The following RAP1A variants were observed in gnomAD, a reference collection of about 807,000 sequenced individuals.
RAP1A encodes ras-related protein Rap-1A.
In RAP1A, 6 loss-of-function variants were observed where a neutral mutation model predicts 26.4. The observed-to-expected ratio is 0.23, with a 90% confidence interval of 0.12 to 0.45. The LOEUF (loss-of-function observed/expected upper bound fraction) is 0.45, where lower values mean the gene tolerates loss of function less well. Among genes scored for constraint, RAP1A ranks in the 20% least tolerant of loss-of-function variants. The probability of loss-of-function intolerance (pLI) is 0.99; values close to 1 mark genes in which losing one functional copy is unlikely to be tolerated. For synonymous variants in RAP1A, 73 were observed against 79.4 expected, an observed-to-expected ratio of 0.92 and a Z score of 0.43; for missense variants, 121 against 217.2, an observed-to-expected ratio of 0.56 and a Z score of 2.78.
intron 1 of RAP1A, among the ~76,000 whole-genome samples, chr1:111,584,145 G>A (rs1258322262): frequency 4.7e-4 from 72 of 152,020 alleles, no homozygotes; most frequent in Admixed American, 1.3e-4. Context: ...GCCTCTCAAA[G>A]TGTTGGGATT....
At position 111,683,426 on chromosome 1, in the gene RAP1A, A is replaced by G. The variant is rs373162844; in HGVS notation, c.-27-7908A>G. Reference sequence around the variant, plus strand: ...AACAAAATAGACCACTAGCCAGACTAATAAAGAAGGAAAGAGAAGAATCAA... The same window carrying G: ...AACAAAATAGACCACTAGCCAGACTGATAAAGAAGGAAAGAGAAGAATCAA... On this transcript the variant is annotated intron_variant, in intron 1 of 7. Coordinates refer to ENST00000369709, the MANE Select transcript of RAP1A (RefSeq NM_002884.4). 4.6e-5 allele frequency among the ~76,000 whole-genome samples: 7 copies of G among 152,310 alleles called. No individual in the cohort carries two copies. In the East Asian group the frequency reaches 1.4e-3, roughly 29 times the overall value.
intron 6 of RAP1A, among the ~76,000 whole-genome samples, chr1:111,707,394 T>G (rs971107422): frequency 1.1e-4 from 16 of 152,170 alleles, no homozygotes; most frequent in Non-Finnish European, 2.9e-5. Context: ...GTAAGAACAA[T>G]AAAGAAGAAT....
intron 1 of RAP1A, among the ~76,000 whole-genome samples, chr1:111,678,466 A>T (rs1272342092): frequency 6.6e-6 from 1 of 152,170 alleles, no homozygotes; most frequent in East Asian, 1.9e-4. Flanking sequence ...ATGCCTTGTT[A>T]GTCAATTTAA....
intron 1 of RAP1A, among the ~76,000 whole-genome samples, chr1:111,582,774 C>T (rs1264711080): frequency 6.6e-6 from 1 of 152,176 alleles, no homozygotes; most frequent in Non-Finnish European, 1.5e-5. Flanking sequence ...TAAGGCATTT[C>T]CTGTTTAGAG....
chr1:111,704,278 T>G, intron 5 of RAP1A, 65 bp from the exon 6 acceptor site: 1 of 1,524,680 alleles, frequency 6.6e-7, no homozygotes, highest in Non-Finnish European at 8.9e-7. Context: ...ATTGCTTATT[T>G]ATTTTTTTAA....
At chr1:111,647,877 A>G (rs996762498) in intron 1 of RAP1A, among the ~76,000 whole-genome samples, 4 of 152,136 alleles carry the variant, frequency 2.6e-5, no homozygotes, top group African/African-American at 9.7e-5. Flanking sequence ...AGCTTTTAGA[A>G]TGTTTAGTCA....
intron 1 of RAP1A, among the ~76,000 whole-genome samples, chr1:111,559,776 A>C (rs146531612): frequency 6.6e-6 from 1 of 152,358 alleles, no homozygotes; most frequent in East Asian, 1.9e-4. Flanking sequence ...ATTGGCTAAA[A>C]GCCATAACAT....
At chr1:111,609,456 T>C (rs573970213) in intron 1 of RAP1A, among the ~76,000 whole-genome samples, 1 of 152,192 alleles carries the variant, frequency 6.6e-6, no homozygotes, top group South Asian at 2.1e-4. Flanking sequence ...ATTCAAGATT[T>C]CTTAACCCTT....
chr1:111,603,941 G>A (rs1658721228), intron 1 of RAP1A, among the ~76,000 whole-genome samples: 1 of 152,202 alleles, frequency 6.6e-6, no homozygotes, highest in African/African-American at 2.4e-5. Flanking sequence ...TAGACATTTT[G>A]CTCCTGGGCC....
chr1:111,633,409 A>G (rs548200), intron 1 of RAP1A, among the ~76,000 whole-genome samples: 108,776 of 152,118 alleles, frequency 0.72, 39,285 homozygotes, highest in African/African-American at 0.81. Context: ...TATAAAAACT[A>G]GTGTGATTAT....
At chr1:111,561,249 A>C (rs537478003) in intron 1 of RAP1A, among the ~76,000 whole-genome samples, 1 of 152,186 alleles carries the variant, frequency 6.6e-6, no homozygotes, top group Non-Finnish European at 1.5e-5. Context: ...TCAGCCTCCC[A>C]AGTAGCTGGG....
intron 1 of RAP1A, among the ~76,000 whole-genome samples, chr1:111,552,349 A>C (rs1475393418): frequency 3.3e-5 from 5 of 152,238 alleles, no homozygotes; most frequent in Non-Finnish European, 7.3e-5. Context: ...AAGGCAAGTT[A>C]TAATGTCACA....
intron 1 of RAP1A, among the ~76,000 whole-genome samples, chr1:111,544,489 G>C (rs996511838): frequency 6.6e-6 from 1 of 152,028 alleles, no homozygotes; most frequent in Non-Finnish European, 1.5e-5. Flanking sequence ...ATTTCTTTCA[G>C]CATAATGTTT....
At chr1:111,592,737 C>G (rs1210279860) in intron 1 of RAP1A, among the ~76,000 whole-genome samples, 2 of 152,142 alleles carry the variant, frequency 1.3e-5, no homozygotes, top group African/African-American at 4.8e-5. Context: ...TTTGGAATGG[C>G]CTTGTTCTCT....
At chr1:111,586,510 G>A (rs1243589286) in intron 1 of RAP1A, among the ~76,000 whole-genome samples, 1 of 152,168 alleles carries the variant, frequency 6.6e-6, no homozygotes, top group Non-Finnish European at 1.5e-5. Flanking sequence ...TTGAGCCCAG[G>A]AGGTCAAGGC....
chr1:111,703,298 A>T (rs746428251), intron 4 of RAP1A, 38 bp from the exon 5 acceptor site: 23 of 1,356,044 alleles, frequency 1.7e-5, no homozygotes, highest in African/African-American at 3.0e-5. Context: ...CATTCAAGAA[A>T]TTTATATATT....
chr1:111,565,959 A>G (rs1657908750), intron 1 of RAP1A, among the ~76,000 whole-genome samples: 1 of 152,112 alleles, frequency 6.6e-6, no homozygotes, highest in South Asian at 2.1e-4. Flanking sequence ...ACATGTGCCA[A>G]CGTCCAGATC....
At chr1:111,666,772 G>T (rs1462350498) in intron 1 of RAP1A, among the ~76,000 whole-genome samples, 2 of 152,144 alleles carry the variant, frequency 1.3e-5, no homozygotes, top group East Asian at 1.9e-4. Flanking sequence ...TAATACTTGT[G>T]CTCAGATCCA....
intron 1 of RAP1A, among the ~76,000 whole-genome samples, chr1:111,614,247 C>G (rs532273624): frequency 3.3e-4 from 51 of 152,308 alleles, no homozygotes; most frequent in Admixed American, 3.2e-3. Context: ...TCATTGGTAG[C>G]ATTAGATATT....
Sources: gnomAD v4.1 joint callset for allele counts (sites outside exome capture counted in the v4.1 genomes callset) on GRCh38, gnomAD v4.1.1 for gene constraint, MANE v1.5 for transcripts, NCBI Gene and HGNC (gene_info 2026-07-23, HGNC 2026-07-21) for gene names.